SORCS2: variants seen among roughly 807,000 people sequenced by gnomAD.
SORCS2 encodes the protein VPS10 domain-containing receptor SorCS2.
In SORCS2, 100 loss-of-function variants were observed where a neutral mutation model predicts 141.6. That is an observed-to-expected ratio of 0.71 (90% CI 0.60 to 0.83). SORCS2 has a LOEUF of 0.83. Ranked by LOEUF, SORCS2 falls within the 40% of genes least tolerant of loss-of-function variation. SORCS2 has a pLI of 0.00. For missense variants in SORCS2, 1,646 were observed against 1,560.2 expected (o/e 1.05, Z -0.93); for synonymous variants, 789 against 676.9 (o/e 1.17, Z -2.57).
In SORCS2 at chr4:7,703,312, G is replaced by T; in HGVS notation, c.1701G>T (p.Leu567=). The part of the protein sequence containing the change: ...VFEEEHHILY[L]DHGGVIVAIK... Reference sequence around the variant, plus strand: ...AGGAAGAGCATCACATCCTGTACCTGGACCACGGCGGCGTGATCGTGGCCA... The same window carrying T: ...AGGAAGAGCATCACATCCTGTACCTTGACCACGGCGGCGTGATCGTGGCCA... Residue 567 remains leucine (L), a synonymous_variant, in exon 13 of 27, where the codon CTG becomes CTT. Transcript: ENST00000507866. 6.2e-7 allele frequency: 1 copy of T among 1,613,248 alleles called. No individual in the cohort carries two copies. Among genetic ancestry groups the T allele is most frequent in the African/African-American group, 1.3e-5 (1 of 75,040 alleles).
chr4:7,626,170 A>G (rs946005689), intron 3 of SORCS2, among the ~76,000 whole-genome samples: 2 of 152,062 alleles, frequency 1.3e-5, no homozygotes, highest in Non-Finnish European at 2.9e-5. Flanking sequence ...AAATATAAAT[A>G]AATAAATAAA....
rs569364768 is a variant in SORCS2 at position 7,480,793 on chromosome 4, C to T, written c.549-50737C>T. Reference sequence around the variant, plus strand: ...TCCCCAGCTCGCCAGGGCCGCAGGCCGGTGCCTTGGAGGCTTGGCTGGGAC... The same window carrying T: ...TCCCCAGCTCGCCAGGGCCGCAGGCTGGTGCCTTGGAGGCTTGGCTGGGAC... On this transcript the variant is annotated intron_variant, in intron 2 of 26. Transcript: ENST00000507866. 6.6e-5 allele frequency among the ~76,000 whole-genome samples: 10 copies of T among 152,360 alleles called. No homozygotes were observed. In the East Asian group the frequency reaches 1.7e-3, roughly 27 times the overall value.
chr4:7,575,136 C>A (rs1212881638), intron 3 of SORCS2, among the ~76,000 whole-genome samples: 3 of 152,194 alleles, frequency 2.0e-5, no homozygotes, highest in Non-Finnish European at 4.4e-5. Context: ...ATCCCTAGAA[C>A]CTGGCCGCAG....
chr4:7,355,020 G>GAA (rs11369235), intron 1 of SORCS2, among the ~76,000 whole-genome samples: 30 of 150,740 alleles, frequency 2.0e-4, no homozygotes, highest in South Asian at 1.5e-3. Context: ...TACATACACA[G>GAA]AAAAAAAAAC....
intron 2 of SORCS2, among the ~76,000 whole-genome samples, chr4:7,527,244 C>T (rs768615881): frequency 1.3e-5 from 2 of 152,258 alleles, no homozygotes; most frequent in Non-Finnish European, 2.9e-5. Context: ...CTCCCACAGA[C>T]GTCCACGTCC....
rs1726150870 is a variant in SORCS2 at position 7,422,566 on chromosome 4, T to C, written c.548+26211T>C. Among the ~76,000 whole-genome samples the C allele has an allele frequency of 1.3e-5, 2 of 152,064 alleles. 1 individual carries two copies. The highest frequency in any genetic ancestry group is 4.1e-4 in the South Asian group (2 of 4,820). On this transcript the variant is annotated intron_variant, in intron 2 of 26. Transcript: ENST00000507866. ...AGAGGTGGGGTGGTCCCAGGCCCCC[T>C]TGGTGCTCCTGCCCTAATCCCCTTG...
intron 2 of SORCS2, among the ~76,000 whole-genome samples, chr4:7,435,893 G>A (rs1022372469): frequency 2.0e-5 from 3 of 152,218 alleles, no homozygotes; most frequent in Non-Finnish European, 2.9e-5. Flanking sequence ...ATGGCAGGGG[G>A]CTCCCCTAGC....
chr4:7,639,988 C>T (rs537006382), intron 4 of SORCS2, among the ~76,000 whole-genome samples: 2 of 147,426 alleles, frequency 1.4e-5, no homozygotes, highest in East Asian at 2.1e-4. Context: ...GATGTGAGCA[C>T]GTGTGCGAGT....
At chr4:7,257,362 C>G (rs1362122850) in intron 1 of SORCS2, among the ~76,000 whole-genome samples, 15 of 109,130 alleles carry the variant, frequency 1.4e-4, no homozygotes, top group Non-Finnish European at 2.4e-4. Flanking sequence ...CAGGGAGACC[C>G]AGGCCTGGGG....
At chr4:7,631,184 C>CA (rs1167891029) in intron 3 of SORCS2, among the ~76,000 whole-genome samples, 1 of 151,324 alleles carries the variant, frequency 6.6e-6, no homozygotes, top group Admixed American at 6.6e-5. Flanking sequence ...TGACGTGGAC[C>CA]AGGGAAGGGA....
intron 1 of SORCS2, among the ~76,000 whole-genome samples, chr4:7,245,022 C>T (rs1712985700): frequency 6.6e-6 from 1 of 152,192 alleles, no homozygotes; most frequent in Non-Finnish European, 1.5e-5. Flanking sequence ...GGCCGCCTAC[C>T]TGGGCCCAGT....
intron 5 of SORCS2, among the ~76,000 whole-genome samples, chr4:7,656,387 G>A (rs1721779960): frequency 6.6e-6 from 1 of 152,166 alleles, no homozygotes; most frequent in African/African-American, 2.4e-5. Context: ...TGAATACTGA[G>A]TGTCCGCTGG....
intron 3 of SORCS2, among the ~76,000 whole-genome samples, chr4:7,554,173 G>GGA (rs1352216198): frequency 2.0e-5 from 3 of 152,166 alleles, no homozygotes; most frequent in East Asian, 3.9e-4. Context: ...ACATATCATG[G>GGA]GGAGGACAGG....
chr4:7,208,600 C>T (rs893426939), intron 1 of SORCS2, among the ~76,000 whole-genome samples: 13 of 152,208 alleles, frequency 8.5e-5, no homozygotes, highest in African/African-American at 3.1e-4. Flanking sequence ...GCTCCATCCT[C>T]TGTCTGCCCC....
At chr4:7,253,512 T>C (rs972285350) in intron 1 of SORCS2, among the ~76,000 whole-genome samples, 2 of 152,232 alleles carry the variant, frequency 1.3e-5, no homozygotes, top group Non-Finnish European at 2.9e-5. Flanking sequence ...AGGACCCCTC[T>C]GGTGCCTGCC....
Position 7,703,341 on chromosome 4 carries a change from A to G in SORCS2, c.1730A>G (p.Lys577Arg). 3 of 1,613,408 alleles carry G rather than the reference A, an allele frequency of 1.9e-6. No homozygotes were observed. The highest frequency in any genetic ancestry group is 1.3e-5 in the African/African-American group (1 of 75,028). ...CACGGCGGCGTGATCGTGGCCATCAAAGACACCTCCATCCCTTTGAAGATC... is the reference window on the plus strand; with the variant it reads ...CACGGCGGCGTGATCGTGGCCATCAGAGACACCTCCATCCCTTTGAAGATC... Reference protein sequence around the residue: ...LDHGGVIVAIKDTSIPLKILK... With the variant: ...LDHGGVIVAIRDTSIPLKILK... Residue 577 changes from lysine to arginine, a missense_variant, in exon 13 of 27, where the codon AAA (lysine) becomes AGA (arginine). By Grantham distance (26) the Lys-to-Arg change is conservative. Transcript: ENST00000507866.
chr4:7,206,096 C>T (rs1165341905), intron 1 of SORCS2, among the ~76,000 whole-genome samples: 8 of 152,052 alleles, frequency 5.3e-5, no homozygotes, highest in African/African-American at 9.7e-5. Flanking sequence ...AAACACCATG[C>T]GAGGTAGGAC....
intron 8 of SORCS2, among the ~76,000 whole-genome samples, chr4:7,675,067 C>T (rs921283853): frequency 2.0e-5 from 3 of 152,190 alleles, no homozygotes; most frequent in Admixed American, 1.3e-4. Flanking sequence ...TCAATATGGG[C>T]CTGTCTGGAC....
At position 7,531,450 on chromosome 4, in the gene SORCS2, C is replaced by T. The variant is rs1711636356; in HGVS notation, c.549-80C>T. 6 of 1,363,612 alleles carry T rather than the reference C, an allele frequency of 4.4e-6. No individual in the cohort carries two copies. The Admixed American group carries it at 7.5e-5, about 17-fold the overall frequency. 84.5% of individuals were successfully genotyped at this position (1,363,612 alleles called of 1,614,324 possible). A position where few individuals can be genotyped will look rare whatever the true frequency, so the allele number is the denominator to read the frequency against. ...GCACTCGGCCCGCACGGGCACAGGG[C>T]AGGGGCTGGACACCGTGTGGGCTGA... On this transcript the variant is annotated intron_variant, in intron 2 of 26. Coordinates refer to ENST00000507866, the MANE Select transcript of SORCS2 (RefSeq NM_020777.3).
Sources: gnomAD v4.1 joint callset for allele counts (sites outside exome capture counted in the v4.1 genomes callset) on GRCh38, gnomAD v4.1.1 for gene constraint, MANE v1.5 for transcripts, NCBI Gene and HGNC (gene_info 2026-07-23, HGNC 2026-07-21) for gene names.